The following DEPDC1B variants were observed in gnomAD, a reference collection of about 807,000 sequenced individuals.
DEPDC1B encodes the protein DEP domain containing 1B, also known as DEP domain-containing protein 1B.
A neutral mutation model predicts 66.5 loss-of-function variants in DEPDC1B; 51 were observed. The ratio of observed to expected loss-of-function variants is 0.77; its 90% CI spans 0.61 to 0.97. The LOEUF is 0.97. DEPDC1B is among the 50% of genes least tolerant of loss of function. The pLI is 0.00. For missense variants in DEPDC1B, 552 were observed against 637.1 expected, an observed-to-expected ratio of 0.87 and a Z score of 1.44; for synonymous variants, 226 against 223.6, an observed-to-expected ratio of 1.01 and a Z score of -0.10.
chr5:60,695,806 T>C (rs1335422449), intron 1 of DEPDC1B, among the ~76,000 whole-genome samples: 2 of 152,170 alleles, frequency 1.3e-5, no homozygotes, highest in African/African-American at 4.8e-5. Context: ...CTTTCTTTTT[T>C]TATTTTTTTT....
intron 2 of DEPDC1B, among the ~76,000 whole-genome samples, chr5:60,670,357 G>A (rs191659520): frequency 1.3e-5 from 2 of 152,298 alleles, no homozygotes; most frequent in African/African-American, 4.8e-5. Flanking sequence ...CTAGGCAACA[G>A]AGCGAGACTC....
intron 2 of DEPDC1B, among the ~76,000 whole-genome samples, chr5:60,674,167 T>TA (rs1274863125): frequency 6.6e-6 from 1 of 151,392 alleles, no homozygotes; most frequent in Non-Finnish European, 1.5e-5. Flanking sequence ...ACCAAGTGTT[T>TA]AAAACAAATA....
chr5:60,653,288 T>G (rs1303631472), intron 2 of DEPDC1B, among the ~76,000 whole-genome samples: 1 of 149,164 alleles, frequency 6.7e-6, no homozygotes, highest in Non-Finnish European at 1.5e-5. Context: ...TTTTTAATGG[T>G]CATTCTTGCA....
At chr5:60,600,454 C>T (rs1752180583) in intron 9 of DEPDC1B, among the ~76,000 whole-genome samples, 1 of 152,134 alleles carries the variant, frequency 6.6e-6, no homozygotes, top group Non-Finnish European at 1.5e-5. Context: ...TGAAACTGTC[C>T]TAAAACAATC....
intron 7 of DEPDC1B, among the ~76,000 whole-genome samples, chr5:60,618,663 A>T (rs1752624880): frequency 6.6e-6 from 1 of 152,222 alleles, no homozygotes; most frequent in Admixed American, 6.5e-5. Flanking sequence ...ACCAACCAAT[A>T]AAAGTCCAGG....
rs142251392 is a variant in DEPDC1B, at chr5:60,603,752, T to A, written c.1066-185A>T. Reference sequence around the variant, plus strand: ...AACCAGAACAAACAAAATGTGCATCTTCCTGTTAAGAGACTGCAGAGAGAT... The same window carrying A: ...AACCAGAACAAACAAAATGTGCATCATCCTGTTAAGAGACTGCAGAGAGAT... On this transcript the variant is annotated intron_variant, in intron 8 of 10. Coordinates refer to ENST00000265036, the MANE Select transcript of DEPDC1B (RefSeq NM_018369.3). Among the ~76,000 whole-genome samples, 42 of 152,068 alleles carry A rather than the reference T, an allele frequency of 2.8e-4. 1 individual carries two copies. The highest frequency in any genetic ancestry group is 2.4e-3 in the Admixed American group (37 of 15,270).
At chr5:60,643,953 C>A (rs1216237437) in intron 5 of DEPDC1B, among the ~76,000 whole-genome samples, 1 of 152,208 alleles carries the variant, frequency 6.6e-6, no homozygotes, top group South Asian at 2.1e-4. Context: ...ATTCTGTCTG[C>A]TTCCCAGGAG....
chr5:60,629,182 T>G (rs1026535841), intron 7 of DEPDC1B, among the ~76,000 whole-genome samples: 1 of 152,212 alleles, frequency 6.6e-6, no homozygotes, highest in African/African-American at 2.4e-5. Context: ...ATTCCGTGAA[T>G]TTTTTATGGT....
chr5:60,636,383 A>C (rs1753044228), intron 7 of DEPDC1B, among the ~76,000 whole-genome samples: 1 of 152,232 alleles, frequency 6.6e-6, no homozygotes, highest in African/African-American at 2.4e-5. Context: ...CAACCGTGCC[A>C]CAAGCAAAGG....
At chr5:60,684,751 C>G (rs893396312) in intron 2 of DEPDC1B, among the ~76,000 whole-genome samples, 1 of 152,084 alleles carries the variant, frequency 6.6e-6, no homozygotes, top group Non-Finnish European at 1.5e-5. Context: ...GGAACTATAT[C>G]AAACTAAAAA....
At chr5:60,642,750 T>C in intron 6 of DEPDC1B, 62 bp downstream of exon 6, 1 of 1,343,966 alleles carries the variant, frequency 7.4e-7, no homozygotes, top group Non-Finnish European at 1.0e-6. Context: ...GCAGAAATTT[T>C]TCCTAATTTA....
intron 2 of DEPDC1B, among the ~76,000 whole-genome samples, chr5:60,651,648 T>C (rs1459372827): frequency 1.3e-5 from 2 of 152,188 alleles, no homozygotes; most frequent in Non-Finnish European, 2.9e-5. Context: ...ATGTGTGGTA[T>C]CTGCAACAGG....
chr5:60,616,383 A>G (rs1752555161), intron 7 of DEPDC1B, among the ~76,000 whole-genome samples: 1 of 152,202 alleles, frequency 6.6e-6, no homozygotes, highest in Non-Finnish European at 1.5e-5. Context: ...CAAAGAAGTT[A>G]AAAACCTTGA....
rs540243712 is a variant in DEPDC1B, at chr5:60,637,032, A to C, written c.898+1718T>G. 3.3e-5 allele frequency among the ~76,000 whole-genome samples: 5 copies of C among 152,372 alleles called. No individual in the cohort carries two copies. The East Asian group carries it at 5.8e-4, about 18-fold the overall frequency. The stretch of plus-strand genomic sequence containing the variant: ...GGAATTTGTTTTTGAAAAAGTTTCC[A>C]AAACAGATACTTTTACTATAGAACA... On this transcript the variant is annotated intron_variant, in intron 7 of 10. Coordinates refer to ENST00000265036, the MANE Select transcript of DEPDC1B (RefSeq NM_018369.3).
At chr5:60,623,100 G>C (rs968720902) in intron 7 of DEPDC1B, among the ~76,000 whole-genome samples, 1 of 151,928 alleles carries the variant, frequency 6.6e-6, no homozygotes, top group Non-Finnish European at 1.5e-5. Context: ...ACTTTCTTTT[G>C]GAAGGTTTTT....
intron 5 of DEPDC1B, among the ~76,000 whole-genome samples, chr5:60,643,186 C>T (rs2111870396): frequency 6.6e-6 from 1 of 151,952 alleles, no homozygotes; most frequent in African/African-American, 2.4e-5. Context: ...TTAAGAATTA[C>T]AAAAAGAAAA....
intron 2 of DEPDC1B, among the ~76,000 whole-genome samples, chr5:60,660,669 AT>A (rs1753693401): frequency 1.3e-5 from 2 of 152,238 alleles, no homozygotes; most frequent in African/African-American, 4.8e-5. Flanking sequence ...GTTCAGAACT[AT>A]CCTAAGTCAA....
chr5:60,695,682 G>A lies in DEPDC1B; in HGVS notation c.48+4364C>T, dbSNP rs62370882. On this transcript the variant is annotated intron_variant, in intron 1 of 10. Coordinates refer to ENST00000265036, the MANE Select transcript of DEPDC1B (RefSeq NM_018369.3). ...CTTGATTGTTTCTATCCCACTGAGC[G>A]ACTATCTGTTCCTGTGTAATACCAT... 1.7e-3 allele frequency among the ~76,000 whole-genome samples: 263 copies of A among 152,290 alleles called. 4 individuals carry two copies. The highest frequency in any genetic ancestry group is 0.011 in the South Asian group (51 of 4,826).
chr5:60,620,206 A>T lies in DEPDC1B; in HGVS notation c.899-14350T>A, dbSNP rs373635278. ...AAAACCCTAGAAGAAAACCTAGGCA[A>T]TACCATTCAGGACATAGGCATGGGC... is the stretch of plus-strand genomic sequence containing the variant. On this transcript the variant is annotated intron_variant, in intron 7 of 10. Coordinates refer to ENST00000265036, the MANE Select transcript of DEPDC1B (RefSeq NM_018369.3). 5.3e-4 allele frequency among the ~76,000 whole-genome samples: 81 copies of T among 152,320 alleles called. 1 individual carries two copies. The East Asian group carries it at 0.012, about 23-fold the overall frequency.
Sources: allele counts gnomAD v4.1 joint callset (sites outside exome capture counted in the v4.1 genomes callset), GRCh38; gene constraint gnomAD v4.1.1; transcripts MANE v1.5; gene names NCBI Gene and HGNC (gene_info 2026-07-23, HGNC 2026-07-21).